TAFA2: variants seen among roughly 807,000 people sequenced by gnomAD.
TAFA2 encodes chemokine-like protein TAFA-2.
In TAFA2, 7 loss-of-function variants were observed where a neutral mutation model predicts 18.8. That is an observed-to-expected ratio of 0.37 (90% CI 0.21 to 0.70). The LOEUF is 0.70. TAFA2 is among the 30% of genes least tolerant of loss of function. The pLI is 0.53. For missense variants in TAFA2, 122 were observed against 158.1 expected (o/e 0.77, Z 1.23); for synonymous variants, 60 against 54.2 (o/e 1.11, Z -0.47).
chr12:62,082,943 A>T (rs1050368862), intron 1 of TAFA2, among the ~76,000 whole-genome samples: 2 of 152,272 alleles, frequency 1.3e-5, no homozygotes, highest in Non-Finnish European at 2.9e-5. Context: ...TCCTTGCAAC[A>T]TCCCTTTGAG....
chr12:61,894,279 C>T (rs1324329280), intron 1 of TAFA2, among the ~76,000 whole-genome samples: 1 of 152,168 alleles, frequency 6.6e-6, no homozygotes, highest in African/African-American at 2.4e-5. Flanking sequence ...TAACGTACAT[C>T]ATTAAATATA....
At chr12:62,019,706 T>G (rs1037906164) in intron 1 of TAFA2, among the ~76,000 whole-genome samples, 2 of 150,366 alleles carry the variant, frequency 1.3e-5, no homozygotes, top group Non-Finnish European at 3.0e-5. Context: ...CATTAGGAGA[T>G]ATACCTAATG....
intron 1 of TAFA2, among the ~76,000 whole-genome samples, chr12:61,995,418 A>T (rs1367302957): frequency 1.3e-5 from 2 of 151,986 alleles, no homozygotes; most frequent in South Asian, 4.1e-4. Flanking sequence ...TCTTCACTAC[A>T]TTTTCTCTAA....
chr12:62,196,710 C>T (rs2062650530), upstream of TAFA2, among the ~76,000 whole-genome samples: 1 of 151,850 alleles, frequency 6.6e-6, no homozygotes, highest in Non-Finnish European at 1.5e-5. Context: ...TCACAGACCG[C>T]CATAACAGAT....
intron 1 of TAFA2, among the ~76,000 whole-genome samples, chr12:61,970,110 T>A (rs986138212): frequency 2.0e-5 from 3 of 151,676 alleles, no homozygotes; most frequent in African/African-American, 7.3e-5. Flanking sequence ...ACCAAATTCA[T>A]GTCTTCATTC....
chr12:61,937,468 T>A (rs1592499514), intron 1 of TAFA2, among the ~76,000 whole-genome samples: 1 of 152,190 alleles, frequency 6.6e-6, no homozygotes, highest in East Asian at 1.9e-4. Flanking sequence ...CATAGACTAG[T>A]GCAACAGAAT....
At position 61,906,556 on chromosome 12, in the gene TAFA2, G is replaced by A. The variant is rs576820154; in HGVS notation, c.-1-39130C>T. On this transcript the variant is annotated intron_variant, in intron 1 of 4. Coordinates refer to ENST00000416284, the MANE Select transcript of TAFA2 (RefSeq NM_178539.5). The stretch of plus-strand genomic sequence containing the variant: ...TGTCTTTATTAACAATATGAGAACA[G>A]ACTAATACAGTAAATTGGTACTGGG... Among the ~76,000 whole-genome samples the A allele has an allele frequency of 6.6e-5, 10 of 152,254 alleles. No homozygotes were observed. The South Asian group carries it at 2.1e-3, about 32-fold the overall frequency.
At chr12:61,757,339 C>A (rs1323185803) in intron 2 of TAFA2, among the ~76,000 whole-genome samples, 1 of 151,906 alleles carries the variant, frequency 6.6e-6, no homozygotes, top group Non-Finnish European at 1.5e-5. Flanking sequence ...TAAGCTTGGA[C>A]TGAGCAATGA....
chr12:61,770,038 AAC>A (rs1869958719), intron 2 of TAFA2, among the ~76,000 whole-genome samples: 1 of 152,090 alleles, frequency 6.6e-6, no homozygotes, highest in Non-Finnish European at 1.5e-5. Flanking sequence ...ATATGGCATA[AAC>A]AAAAAACAAT....
chr12:61,795,408 G>A (rs374842197), intron 2 of TAFA2, among the ~76,000 whole-genome samples: 1 of 151,986 alleles, frequency 6.6e-6, no homozygotes, highest in Non-Finnish European at 1.5e-5. Flanking sequence ...CCATAAAAAA[G>A]GATGAGTTCA....
chr12:62,183,312 C>T (rs61541331), intron 1 of TAFA2, among the ~76,000 whole-genome samples: 2,074 of 152,272 alleles, frequency 0.014, 51 homozygotes, highest in African/African-American at 0.048. Flanking sequence ...TGATCTTGAA[C>T]TTCCCAGCCT....
chr12:61,754,285 A>G (rs1364844881), intron 3 of TAFA2, among the ~76,000 whole-genome samples: 1 of 152,022 alleles, frequency 6.6e-6, no homozygotes, highest in Non-Finnish European at 1.5e-5. Flanking sequence ...GCAATATATT[A>G]TAGTAATATG....
At chr12:61,778,043 A>T (rs1432300087) in intron 2 of TAFA2, among the ~76,000 whole-genome samples, 1 of 151,822 alleles carries the variant, frequency 6.6e-6, no homozygotes, top group Non-Finnish European at 1.5e-5. Flanking sequence ...AATCTTTCCT[A>T]TTGTGAATGA....
chr12:61,732,733 T>TTTTTTG (rs1555197315), intron 4 of TAFA2, among the ~76,000 whole-genome samples: 1 of 111,398 alleles, frequency 9.0e-6, no homozygotes, highest in Non-Finnish European at 2.1e-5. Flanking sequence ...AAGTGATTTT[T>TTTTTTG]TGTGTGTGTG....
At chr12:62,063,263 A>G (rs1490348705) in intron 1 of TAFA2, among the ~76,000 whole-genome samples, 2 of 152,180 alleles carry the variant, frequency 1.3e-5, no homozygotes, top group Non-Finnish European at 2.9e-5. Context: ...ATCTCTTACT[A>G]TTAAATATTT....
At chr12:61,908,744 G>A (rs7969050) in intron 1 of TAFA2, among the ~76,000 whole-genome samples, 125,808 of 152,176 alleles carry the variant, frequency 0.83, 52,536 homozygotes, top group African/African-American at 0.94. Flanking sequence ...GAACCTATTC[G>A]GAGTAAATTT....
intron 1 of TAFA2, among the ~76,000 whole-genome samples, chr12:62,088,874 T>TGTTC (rs1231634559): frequency 8.1e-5 from 11 of 136,258 alleles, no homozygotes; most frequent in African/African-American, 2.7e-4. Context: ...CTACATATGT[T>TGTTC]TTTCTTTCTC....
At chr12:61,981,765 T>C (rs1431563797) in intron 1 of TAFA2, among the ~76,000 whole-genome samples, 1 of 152,098 alleles carries the variant, frequency 6.6e-6, no homozygotes, top group Admixed American at 6.5e-5. Context: ...TGAGATACCA[T>C]CTCATGCCAG....
At position 62,246,455 on chromosome 12, in the gene TAFA2, A is replaced by C. The variant is rs984791049; in HGVS notation, c.-130+12308T>G. ...ACTCAATTTTTGTAAATATTTCATC[A>C]TTATTTGAAATAACCTATATTCTTT... On this transcript the variant is annotated intron_variant, in intron 1 of 5. Coordinates refer to the TAFA2 transcript ENST00000551619. 8.8e-4 allele frequency among the ~76,000 whole-genome samples: 134 copies of C among 152,348 alleles called. 2 individuals are homozygous for C. The highest frequency in any genetic ancestry group is 3.0e-3 in the African/African-American group (125 of 41,580).
Sources: allele counts gnomAD v4.1 joint callset (sites outside exome capture counted in the v4.1 genomes callset), GRCh38; gene constraint gnomAD v4.1.1; transcripts MANE v1.5; gene names NCBI Gene and HGNC (gene_info 2026-07-23, HGNC 2026-07-21).